The following BAHD1 variants were observed in gnomAD, a reference collection of about 807,000 sequenced individuals.
BAHD1 encodes the protein bromo adjacent homology domain containing 1.
A neutral mutation model predicts 63.1 loss-of-function variants in BAHD1; 20 were observed. The ratio of observed to expected loss-of-function variants is 0.32; its 90% CI spans 0.22 to 0.46. The LOEUF is 0.46. Among genes scored for constraint, BAHD1 ranks in the 20% least tolerant of loss-of-function variants. The pLI is 1.00. For missense variants in BAHD1, 939 were observed against 1,071.8 expected (o/e 0.88, Z 1.73); for synonymous variants, 408 against 426.8 (o/e 0.96, Z 0.54).
At chr15:40,448,286 A>G (rs867146701) in intron 1 of BAHD1, among the ~76,000 whole-genome samples, 8 of 152,066 alleles carry the variant, frequency 5.3e-5, no homozygotes, top group Non-Finnish European at 7.4e-5. Context: ...TTTTAATTGT[A>G]TTTACGTTCT....
intron 1 of BAHD1, among the ~76,000 whole-genome samples, chr15:40,442,455 G>T (rs1893431122): frequency 6.6e-6 from 1 of 152,218 alleles, no homozygotes; most frequent in African/African-American, 2.4e-5. Flanking sequence ...TTGGCTGGTG[G>T]CGACGGGGTT....
At chr15:40,451,959 G>A (rs996484081) in intron 1 of BAHD1, among the ~76,000 whole-genome samples, 2 of 152,308 alleles carry the variant, frequency 1.3e-5, no homozygotes, top group Admixed American at 6.5e-5. Context: ...AGTTCGTAAG[G>A]CAGAACACTG....
Position 40,463,667 on chromosome 15 carries a change from T to C in BAHD1, c.1816-194T>C, listed in dbSNP as rs140705656. Among the ~76,000 whole-genome samples, 605 of 152,268 alleles carry C rather than the reference T, an allele frequency of 4.0e-3. 5 individuals are homozygous for C. The highest frequency in any genetic ancestry group is 0.014 in the African/African-American group (571 of 41,564). The stretch of plus-strand genomic sequence containing the variant: ...AAGCTTCAGGCCACTTTTCCACCCC[T>C]ATTCCCTTTTCTCATCCTTTCTCCA... On this transcript the variant is annotated intron_variant, in intron 3 of 6. Transcript: ENST00000416165.
At chr15:40,462,672 A>G (rs1894087252) in intron 3 of BAHD1, among the ~76,000 whole-genome samples, 1 of 152,142 alleles carries the variant, frequency 6.6e-6, no homozygotes. Context: ...TGGGCAGAGA[A>G]AATTAGTGAC....
rs1893973382 is a variant in BAHD1 at position 40,459,653 on chromosome 15, C to T, written c.1189C>T (p.Pro397Ser). The T allele has an allele frequency of 1.2e-6, 2 of 1,614,018 alleles. No homozygotes were observed. ...GLQCGGYSPCPMLPEGKLSPV... is the reference protein window; with the variant it reads ...GLQCGGYSPCSMLPEGKLSPV... ...GCAGTGTGGGGGCTACTCGCCCTGC[C>T]CCATGCTTCCTGAGGGCAAGCTGTC... Residue 397 changes from proline (P) to serine (S), a missense_variant, in exon 2 of 7, where the codon CCC (proline) becomes TCC (serine). By Grantham distance (74) the Pro-to-Ser change is moderately conservative. Transcript: ENST00000416165.
Position 40,458,637 on chromosome 15 carries a change from G to A in BAHD1, c.173G>A (p.Arg58His), listed in dbSNP as rs755328310. Residue 58 changes from arginine to histidine, a missense_variant, in exon 2 of 7, where the codon CGT becomes CAT. Physicochemically the swap from Arg to His is conservative, Grantham distance 29. This residue lies in a region of BAHD1 where 797 missense variants were observed against 813.3 expected (regional missense o/e 0.98). Coordinates refer to ENST00000416165, the MANE Select transcript of BAHD1 (RefSeq NM_014952.5). This position sits in a 1 kb window ranked among gnomAD's most constrained non-coding sequence, Gnocchi z 4.7. ...LTGRRKNYPL[R>H]KRPLVPEKPK... is the part of the protein sequence containing the mutation. The stretch of plus-strand genomic sequence containing the variant: ...GGGCGCCGCAAGAATTACCCACTTC[G>A]TAAGCGCCCATTGGTTCCTGAGAAG... 1 of 1,613,804 alleles carries A rather than the reference G, an allele frequency of 6.2e-7. No homozygotes were observed. The highest frequency in any genetic ancestry group is 1.7e-5 in the Admixed American group (1 of 59,988).
chr15:40,459,169 C>T lies in BAHD1; in HGVS notation c.705C>T (p.Arg235=), dbSNP rs1893947293. The T allele has an allele frequency of 6.2e-7, 1 of 1,612,968 alleles. No homozygotes were observed. Among genetic ancestry groups the T allele is most frequent in the Admixed American group, 1.7e-5 (1 of 59,984 alleles). ...LPRAHAEVDG[R]STEPPAPKAP... ...GTGCCCATGCAGAAGTAGATGGGCGCTCCACTGAGCCCCCAGCACCCAAGG... is the reference window on the plus strand; with the variant it reads ...GTGCCCATGCAGAAGTAGATGGGCGTTCCACTGAGCCCCCAGCACCCAAGG... The change falls in exon 2 of 7, where the codon CGC becomes CGT. Residue 235 remains arginine (R), a synonymous_variant. Transcript: ENST00000416165.
intron 1 of BAHD1, among the ~76,000 whole-genome samples, chr15:40,448,422 A>G (rs894627986): frequency 6.6e-6 from 1 of 152,234 alleles, no homozygotes; most frequent in African/African-American, 2.4e-5. Context: ...GTTATCTTGC[A>G]TCTTGGTCTG....
At chr15:40,440,218 G>A (rs551146560), upstream of BAHD1, among the ~76,000 whole-genome samples, 4 of 151,570 alleles carry the variant, frequency 2.6e-5, no homozygotes, top group Non-Finnish European at 5.9e-5. Context: ...GTAGGTGAAG[G>A]GCAGAAAGAG....
Position 40,459,622 on chromosome 15 carries a change from G to T in BAHD1, c.1158G>T (p.Glu386Asp). 6.2e-7 allele frequency: 1 copy of T among 1,614,174 alleles called. No homozygotes were observed. Among genetic ancestry groups the T allele is most frequent in the African/African-American group, 1.3e-5 (1 of 75,062 alleles). The change falls in exon 2 of 7, where the codon GAG becomes GAT. Residue 386 changes from glutamate to aspartate, a missense_variant. Transcript: ENST00000416165. ...LGSFYLYCGQEGLQCGGYSPC... is the reference protein window; with the variant it reads ...LGSFYLYCGQDGLQCGGYSPC... ...GCTTCTACCTGTACTGTGGCCAAGAGGGGCTGCAGTGTGGGGGCTACTCGC... is the reference window on the plus strand; with the variant it reads ...GCTTCTACCTGTACTGTGGCCAAGATGGGCTGCAGTGTGGGGGCTACTCGC...
Position 40,463,893 on chromosome 15 carries a change from C to T in BAHD1, c.1848C>T (p.Tyr616=). Residue 616 remains tyrosine (Y), a synonymous_variant, in exon 4 of 7, where the codon TAC becomes TAT. Transcript: ENST00000416165. ...CGGAGCCAGCCATCCGAAAGAGCTA[C>T]CAGGCGGTAGAGCGGCATGGGGAGA... The part of the protein sequence containing the change: ...DEPEPAIRKS[Y]QAVERHGETI... 1 of 1,614,234 alleles carries T rather than the reference C, an allele frequency of 6.2e-7. No individual in the cohort carries two copies. The highest frequency in any genetic ancestry group is 8.5e-7 in the Non-Finnish European group (1 of 1,180,034).
At position 40,458,355 on chromosome 15, in the gene BAHD1, C is replaced by CA. The variant is rs1439953197; in HGVS notation, c.-14-95dup. 2.0e-6 allele frequency: 3 copies of CA among 1,472,394 alleles called. No individual in the cohort carries two copies. The East Asian group carries it at 6.9e-5, about 34-fold the overall frequency. The allele number at this position is 1,472,394 out of a possible 1,614,324, so 91.2% of individuals were successfully genotyped here. ...AGACAGGGTAGTTGTAGGCCAGGAT[C>CA]ACTGCACCTGGGGCTGGGTAGGCTG... is the stretch of plus-strand genomic sequence containing the variant. On this transcript the variant is annotated intron_variant, in intron 1 of 6. Transcript: ENST00000416165. This position sits in a 1 kb window ranked among gnomAD's most constrained non-coding sequence, Gnocchi z 4.7.
chr15:40,448,507 A>G (rs1030403625), intron 1 of BAHD1, among the ~76,000 whole-genome samples: 1 of 152,178 alleles, frequency 6.6e-6, no homozygotes, highest in Non-Finnish European at 1.5e-5. Context: ...GCCTTGGTGT[A>G]GATGCCAGGA....
In BAHD1 at chr15:40,458,900, A is replaced by C. The variant is rs1210783450; in HGVS notation, c.436A>C (p.Ser146Arg). The C allele has an allele frequency of 1.3e-6, 2 of 1,597,634 alleles. No homozygotes were observed. Among genetic ancestry groups the C allele is most frequent in the Non-Finnish European group, 1.7e-6 (2 of 1,170,812 alleles). ...CAGCAGCCTGGCAGGCACCCGCCGC[A>C]GTCGAGCAGGGGATCCCCACCGCAG... ...DTSSLAGTRR[S>R]RAGDPHRSRD... Residue 146 changes from serine to arginine, a missense_variant, in exon 2 of 7, where the codon AGT becomes CGT. Ser to Arg is a moderately radical substitution (Grantham distance 110, BLOSUM62 -1). This residue lies in a region of BAHD1 where 797 missense variants were observed against 813.3 expected (regional missense o/e 0.98). Transcript: ENST00000416165. This position sits in a 1 kb window ranked among gnomAD's most constrained non-coding sequence, Gnocchi z 4.7.
intron 1 of BAHD1, among the ~76,000 whole-genome samples, chr15:40,451,161 A>AC (rs1426242528): frequency 1.3e-5 from 2 of 151,358 alleles, no homozygotes; most frequent in African/African-American, 4.9e-5. Flanking sequence ...AAAAAAAAAA[A>AC]AAAAAAAAAA....
upstream of BAHD1, among the ~76,000 whole-genome samples, chr15:40,440,443 G>A (rs1157945351): frequency 6.6e-6 from 1 of 151,980 alleles, no homozygotes; most frequent in Non-Finnish European, 1.5e-5. Flanking sequence ...GCTTTGCCCT[G>A]GGGGCAGCAG....
At chr15:40,448,450 T>C (rs1014796945) in intron 1 of BAHD1, among the ~76,000 whole-genome samples, 2 of 152,218 alleles carry the variant, frequency 1.3e-5, no homozygotes, top group African/African-American at 4.8e-5. Context: ...GCAGCCATCC[T>C]GTGATGCCCT....
chr15:40,453,641 T>A (rs1188504081), intron 1 of BAHD1: 1 of 152,066 alleles, frequency 6.6e-6, no homozygotes, highest in East Asian at 1.9e-4. Flanking sequence ...CTCCCCTGAA[T>A]CCCTCCCTCT....
chr15:40,443,317 G>A (rs1339415036), intron 1 of BAHD1: 13 of 985,290 alleles, frequency 1.3e-5, no homozygotes, highest in Non-Finnish European at 1.6e-5. Context: ...GCTGAGGCTT[G>A]TGAGAAAGGT....
Sources: gnomAD v4.1 joint callset for allele counts (sites outside exome capture counted in the v4.1 genomes callset) on GRCh38, gnomAD v4.1.1 for gene constraint, gnomAD v4.1.1 regional missense constraint, Gnocchi (gnomAD v3.1) non-coding constraint, MANE v1.5 for transcripts, NCBI Gene and HGNC (gene_info 2026-07-23, HGNC 2026-07-21) for gene names.